The following C12orf56 variants were observed in gnomAD, a reference collection of about 807,000 sequenced individuals.
The protein encoded by C12orf56 is chromosome 12 open reading frame 56, also known as uncharacterized protein C12orf56.
Under a neutral mutation model 69.9 loss-of-function variants are expected in C12orf56, and 71 were observed. The observed-to-expected ratio is 1.02, with a 90% CI of 0.84 to 1.24. The LOEUF (loss-of-function observed/expected upper bound fraction) is 1.24, where lower values mean the gene tolerates loss of function less well. Ranked by LOEUF, C12orf56 falls within the 50% of genes most tolerant of loss-of-function variation. The probability of loss-of-function intolerance (pLI) is 0.00; values close to 1 mark genes in which losing one functional copy is unlikely to be tolerated. For missense variants in C12orf56, 732 were observed against 738.5 expected, an observed-to-expected ratio of 0.99 and a Z score of 0.10; for synonymous variants, 276 against 274.1, an observed-to-expected ratio of 1.01 and a Z score of -0.07.
chr12:64,332,944 A>G (rs949867934), intron 2 of C12orf56, among the ~76,000 whole-genome samples: 4 of 152,230 alleles, frequency 2.6e-5, no homozygotes, highest in Admixed American at 2.6e-4. Flanking sequence ...CCTTGACATT[A>G]AGATAGGCAG....
intron 2 of C12orf56, among the ~76,000 whole-genome samples, chr12:64,343,194 G>A (rs1277191982): frequency 6.6e-6 from 1 of 152,094 alleles, no homozygotes; most frequent in East Asian, 1.9e-4. Flanking sequence ...CACACCACTG[G>A]ACCCCTAGAA....
chr12:64,274,084 G>A (rs1332315393), intron 11 of C12orf56, among the ~76,000 whole-genome samples: 2 of 152,218 alleles, frequency 1.3e-5, no homozygotes, highest in Non-Finnish European at 2.9e-5. Context: ...AATCTCCCCT[G>A]TCACGGGGGG....
chr12:64,298,825 G>A (rs1372907112), intron 6 of C12orf56, among the ~76,000 whole-genome samples: 1 of 152,184 alleles, frequency 6.6e-6, no homozygotes, highest in Non-Finnish European at 1.5e-5. Flanking sequence ...GATGCCTCCA[G>A]CTTTGTTCTT....
chr12:64,313,098 A>C (rs958312166), intron 4 of C12orf56, among the ~76,000 whole-genome samples: 2 of 151,538 alleles, frequency 1.3e-5, no homozygotes, highest in African/African-American at 4.8e-5. Context: ...ATCTCTACTA[A>C]AAATACAAAA....
intron 2 of C12orf56, among the ~76,000 whole-genome samples, chr12:64,349,765 G>A (rs1325490994): frequency 6.6e-6 from 1 of 152,128 alleles, no homozygotes; most frequent in African/African-American, 2.4e-5. Flanking sequence ...TCACTGATTT[G>A]TGGTAGCTAA....
Position 64,271,523 on chromosome 12 carries a change from C to T in C12orf56, c.1585-809G>A, listed in dbSNP as rs138988423. 5.3e-5 allele frequency among the ~76,000 whole-genome samples: 8 copies of T among 152,226 alleles called. No individual in the cohort carries two copies. The East Asian group carries it at 1.5e-3, about 29-fold the overall frequency. ...GAAAAGCAGAAAAGAACACTAGTGCCTTTTCAAACTCTAACCAACAGGTCA... is the reference window on the plus strand; with the variant it reads ...GAAAAGCAGAAAAGAACACTAGTGCTTTTTCAAACTCTAACCAACAGGTCA... On this transcript the variant is annotated intron_variant, in intron 11 of 12. Coordinates refer to ENST00000543942, the MANE Select transcript of C12orf56 (RefSeq NM_001170633.2).
rs772854525 is a variant in C12orf56 at position 64,303,686 on chromosome 12, T to A, written c.1062A>T (p.Glu354Asp). The A allele has an allele frequency of 1.3e-5, 21 of 1,576,140 alleles. No individual in the cohort carries two copies. The highest frequency in any genetic ancestry group is 3.3e-4 in the Middle Eastern group (2 of 6,022). The change falls in exon 6 of 13, where the codon GAA (glutamate) becomes GAT (aspartate). Residue 354 changes from glutamate to aspartate, a missense_variant. Physicochemically the swap from Glu to Asp is conservative, Grantham distance 45. Coordinates refer to ENST00000543942, the MANE Select transcript of C12orf56 (RefSeq NM_001170633.2). ...SLRRILSLLM[E>D]LKVAAQKNFI... ...AGTTTTTCTGGGCTGCTACTTTAAG[T>A]TCCATAAGTAAAGAAAGTATCCTCC...
chr12:64,328,477 G>A (rs563390114), intron 3 of C12orf56, among the ~76,000 whole-genome samples: 4 of 151,624 alleles, frequency 2.6e-5, no homozygotes, highest in South Asian at 2.1e-4. Context: ...TCAGGAGTTC[G>A]AGACCTGCCT....
In C12orf56 at chr12:64,379,317, G is replaced by A. The variant is rs557183259; in HGVS notation, c.252+10997C>T. Among the ~76,000 whole-genome samples, 31 of 149,116 alleles carry A rather than the reference G, an allele frequency of 2.1e-4. No individual in the cohort carries two copies. In the East Asian group the frequency reaches 4.8e-3, roughly 23 times the overall value. ...TTTTTTTTTTTTGAGACGGAGTCTC[G>A]CTCTGTCTCCCAGGCTGGAGTGCAG... On this transcript the variant is annotated intron_variant, in intron 1 of 12. Coordinates refer to ENST00000543942, the MANE Select transcript of C12orf56 (RefSeq NM_001170633.2).
At chr12:64,322,936 GT>G (rs1393468112) in intron 3 of C12orf56, among the ~76,000 whole-genome samples, 2 of 152,160 alleles carry the variant, frequency 1.3e-5, no homozygotes, top group East Asian at 3.8e-4. Flanking sequence ...AAGCTGCCAT[GT>G]TTTTAAAGAC....
chr12:64,389,046 A>T (rs568781077), intron 1 of C12orf56: 1 of 152,254 alleles, frequency 6.6e-6, no homozygotes, highest in African/African-American at 2.4e-5. Context: ...CGTTCAAAAC[A>T]AGCCATGACT....
chr12:64,371,731 G>A (rs897939129), intron 1 of C12orf56, among the ~76,000 whole-genome samples: 8 of 152,102 alleles, frequency 5.3e-5, no homozygotes, highest in South Asian at 2.1e-4. Context: ...TTGGGAGGCC[G>A]AGGCAGGAGA....
At chr12:64,308,940 G>GAAAGAAAGAAAGAAAAAAGAAAGA (rs35488127) in intron 5 of C12orf56, among the ~76,000 whole-genome samples, 65 of 80,874 alleles carry the variant, frequency 8.0e-4, no homozygotes, top group Admixed American at 1.5e-3. Context: ...AAGAAAGAAA[G>GAAAGAAAGAAAGAAAAAAGAAAGA]AAGAAAGAAA....
intron 1 of C12orf56, among the ~76,000 whole-genome samples, chr12:64,359,509 T>C (rs1340440706): frequency 1.3e-5 from 2 of 152,150 alleles, no homozygotes; most frequent in Non-Finnish European, 2.9e-5. Context: ...AAAATCTCTG[T>C]TTAAAAAATG....
chr12:64,384,190 T>C (rs529556609), intron 1 of C12orf56, among the ~76,000 whole-genome samples: 24 of 152,220 alleles, frequency 1.6e-4, no homozygotes, highest in African/African-American at 5.8e-4. Flanking sequence ...AGGACTCGGA[T>C]TTGAAGACAA....
chr12:64,332,141 C>T (rs1227672657), intron 2 of C12orf56, among the ~76,000 whole-genome samples: 2 of 151,596 alleles, frequency 1.3e-5, no homozygotes, highest in Non-Finnish European at 2.9e-5. Flanking sequence ...CCAGTTTCTA[C>T]TAAAAAGACA....
At chr12:64,302,637 C>T (rs890184615) in intron 6 of C12orf56, among the ~76,000 whole-genome samples, 1 of 152,068 alleles carries the variant, frequency 6.6e-6, no homozygotes, top group African/African-American at 2.4e-5. Flanking sequence ...GCCTCATTAG[C>T]ACCACCATTA....
chr12:64,375,445 C>A (rs2039627199), intron 1 of C12orf56, among the ~76,000 whole-genome samples: 2 of 152,172 alleles, frequency 1.3e-5, no homozygotes, highest in African/African-American at 4.8e-5. Flanking sequence ...TATTCAAGTT[C>A]AAAATGGGTC....
intron 6 of C12orf56, among the ~76,000 whole-genome samples, chr12:64,297,293 A>G (rs1565743272): frequency 6.6e-6 from 1 of 152,212 alleles, no homozygotes; most frequent in Non-Finnish European, 1.5e-5. Flanking sequence ...AGAAGAACAT[A>G]AGGCTACTGG....
Sources: allele counts gnomAD v4.1 joint callset (sites outside exome capture counted in the v4.1 genomes callset), GRCh38; gene constraint gnomAD v4.1.1; transcripts MANE v1.5; gene names NCBI Gene and HGNC (gene_info 2026-07-23, HGNC 2026-07-21).